Variants in DDO observed in about 807,000 individuals in gnomAD.
DDO encodes the protein D-aspartate oxidase, also known as D-aspartate oxidase, DDO.
DDO carries 16 observed loss-of-function variants against 16.8 expected under a neutral mutation model. That is an observed-to-expected ratio of 0.95 (90% CI 0.65 to 1.45). DDO has a LOEUF of 1.45. Ranked by LOEUF, DDO falls within the 40% of genes most tolerant of loss-of-function variation. DDO has a pLI of 0.00. For missense variants in DDO, 429 were observed against 420.3 expected (o/e 1.02, Z -0.18); for synonymous variants, 180 against 167.2 (o/e 1.08, Z -0.59).
At chr6:110,398,858 C>T (rs954995849) in intron 4 of DDO, among the ~76,000 whole-genome samples, 1 of 152,130 alleles carries the variant, frequency 6.6e-6, no homozygotes, top group Non-Finnish European at 1.5e-5. Context: ...AGCATAGGGC[C>T]TCCTTGGGGA....
intron 4 of DDO, among the ~76,000 whole-genome samples, chr6:110,394,536 C>T (rs1191426411): frequency 5.3e-5 from 8 of 152,186 alleles, no homozygotes; most frequent in South Asian, 2.1e-4. Context: ...GTTCAATAGA[C>T]GCAGGCCGAA....
rs907658208 is a variant in DDO at position 110,411,867 on chromosome 6, G to A, written c.172+1424C>T. Among the ~76,000 whole-genome samples the A allele has an allele frequency of 4.6e-5, 7 of 151,398 alleles. No homozygotes were observed. The South Asian group carries it at 6.4e-4, about 14-fold the overall frequency. On this transcript the variant is annotated intron_variant, in intron 2 of 4. Coordinates refer to ENST00000368924, the MANE Select transcript of DDO (RefSeq NM_001372108.2). ...TGAGTATAAACTTCATTACTGCAGCGTGATTTTGGTTTCTATTTAATGCTA... is the reference window on the plus strand; with the variant it reads ...TGAGTATAAACTTCATTACTGCAGCATGATTTTGGTTTCTATTTAATGCTA...
chr6:110,397,899 G>A (rs1317430878), intron 4 of DDO, among the ~76,000 whole-genome samples: 1 of 152,226 alleles, frequency 6.6e-6, no homozygotes, highest in Non-Finnish European at 1.5e-5. Context: ...GATGGCACCA[G>A]TGCATAGGAG....
At chr6:110,389,086 G>A (rs1773059991), downstream of DDO, among the ~76,000 whole-genome samples, 1 of 152,210 alleles carries the variant, frequency 6.6e-6, no homozygotes, top group African/African-American at 2.4e-5. Context: ...GCTAAGTAAA[G>A]AAGATTATCT....
chr6:110,409,793 A>ACCCCAAACC, intron 2 of DDO, among the ~76,000 whole-genome samples: 1 of 152,232 alleles, frequency 6.6e-6, no homozygotes, highest in African/African-American at 2.4e-5. Flanking sequence ...GTGAGGTTGT[A>ACCCCAAACC]TTAAAATGCA....
chr6:110,412,440 A>G (rs564115674), intron 2 of DDO, among the ~76,000 whole-genome samples: 2 of 152,310 alleles, frequency 1.3e-5, no homozygotes, highest in South Asian at 2.1e-4. Flanking sequence ...AGAGCCGCCA[A>G]TCATGTAGTT....
chr6:110,412,966 A>G (rs1773909663), intron 2 of DDO, among the ~76,000 whole-genome samples: 1 of 152,124 alleles, frequency 6.6e-6, no homozygotes, highest in South Asian at 2.1e-4. Context: ...CAACAAGACA[A>G]GACCTTGTCT....
intron 4 of DDO, among the ~76,000 whole-genome samples, chr6:110,398,852 T>C (rs767544128): frequency 2.0e-5 from 3 of 152,126 alleles, no homozygotes; most frequent in Non-Finnish European, 4.4e-5. Context: ...GCGGTCAGCA[T>C]AGGGCCTCCT....
At chr6:110,406,057 GGTTCTGT>G (rs1458103602) in intron 3 of DDO, among the ~76,000 whole-genome samples, 1 of 152,040 alleles carries the variant, frequency 6.6e-6, no homozygotes, top group Non-Finnish European at 1.5e-5. Flanking sequence ...TTTACTGCAG[GGTTCTGT>G]GCTGGCCCAC....
chr6:110,393,019 A>T lies in DDO; in HGVS notation c.782T>A (p.Leu261Gln). 1 of 1,611,184 alleles carries T rather than the reference A, an allele frequency of 6.2e-7. No individual in the cohort carries two copies. Among genetic ancestry groups the T allele is most frequent in the Non-Finnish European group, 8.5e-7 (1 of 1,177,422 alleles). The change falls in exon 5 of 5, where the codon CTG becomes CAG. Residue 261 changes from leucine to glutamine, a missense_variant. Physicochemically the swap from Leu to Gln is moderately radical, Grantham distance 113. Transcript: ENST00000368924. ...SREILSRCCA[L>Q]EPSLHGACNI... ...GCAGGCTCCGTGGAGGGAGGGCTCC[A>T]GAGCACAGCATCGGGAAAGAATCTC...
chr6:110,398,383 TACACACACACACACACAC>T (rs372325600), intron 4 of DDO, among the ~76,000 whole-genome samples: 4 of 110,278 alleles, frequency 3.6e-5, no homozygotes, highest in South Asian at 2.7e-4. Context: ...CTTAAATGCG[TACACACACACACACACAC>T]ACACACACAC....
chr6:110,413,381 G>A lies in DDO; in HGVS notation c.82C>T (p.Arg28Ter), dbSNP rs763860346. The change falls in exon 2 of 5, where the codon CGA becomes TGA. Residue 28 changes from arginine (R) to a stop codon, truncating the protein, a stop_gained. Coordinates refer to ENST00000368924, the MANE Select transcript of DDO (RefSeq NM_001372108.2). LOFTEE classifies it high-confidence loss of function. Reference protein sequence around the residue: ...TAVCISKLVPRCSVTIISDKF... With the variant: ...TAVCISKLVP Reference sequence around the variant, plus strand: ...TCTGAAATGATGGTAACGGAGCATCGGGGCACCAGTTTGGAGATGCACACA... The same window carrying A: ...TCTGAAATGATGGTAACGGAGCATCAGGGCACCAGTTTGGAGATGCACACA... 8.1e-5 allele frequency: 131 copies of A among 1,613,922 alleles called. No individual in the cohort carries two copies. Among genetic ancestry groups the A allele is most frequent in the Non-Finnish European group, 1.0e-4 (123 of 1,180,008 alleles).
Position 110,392,211 on chromosome 6 carries a change from T to A in DDO, c.*564A>T. On this transcript the variant is annotated 3_prime_UTR_variant, in exon 5 of 5. Coordinates refer to ENST00000368924, the MANE Select transcript of DDO (RefSeq NM_001372108.2). The stretch of plus-strand genomic sequence containing the variant: ...CACAATGTAATTTTATTTAGAGGAA[T>A]TATGTTGCTGACTTGGCTATAACCT... 1 of 985,446 alleles carries A rather than the reference T, an allele frequency of 1.0e-6. No individual in the cohort carries two copies. The highest frequency in any genetic ancestry group is 1.2e-6 in the Non-Finnish European group (1 of 829,940). The allele number at this position is 985,446 out of a possible 1,614,324, so 61.0% of individuals were successfully genotyped here. A position where few individuals can be genotyped will look rare whatever the true frequency, so the allele number is the denominator to read the frequency against.
chr6:110,412,251 C>A (rs1773884333), intron 2 of DDO, among the ~76,000 whole-genome samples: 1 of 115,114 alleles, frequency 8.7e-6, no homozygotes, highest in Non-Finnish European at 1.8e-5. Flanking sequence ...AAGACTCTGT[C>A]TTAAAAAAAA....
chr6:110,407,964 G>A (rs1582488326), intron 3 of DDO, among the ~76,000 whole-genome samples: 1 of 152,176 alleles, frequency 6.6e-6, no homozygotes, highest in African/African-American at 2.4e-5. Flanking sequence ...GGTCTCTGCA[G>A]CCATCCCAAC....
At chr6:110,408,907 G>A (rs941593916) in intron 2 of DDO, among the ~76,000 whole-genome samples, 5 of 152,368 alleles carry the variant, frequency 3.3e-5, no homozygotes, top group Middle Eastern at 3.4e-3. Flanking sequence ...GCAGGTCTGT[G>A]GGGCCCAGGC....
chr6:110,412,713 A>G (rs1032865558), intron 2 of DDO, among the ~76,000 whole-genome samples: 2 of 152,230 alleles, frequency 1.3e-5, no homozygotes, highest in African/African-American at 4.8e-5. Flanking sequence ...CCTGATGACA[A>G]GCTGGCCCCT....
intron 3 of DDO, 47 bp from the exon 4 acceptor site, chr6:110,404,997 C>T (rs1385098628): frequency 3.2e-6 from 5 of 1,538,864 alleles, no homozygotes; most frequent in Non-Finnish European, 4.5e-6. Flanking sequence ...TGTGAAATAA[C>T]ATATTTCTAG....
Position 110,392,758 on chromosome 6 carries a change from C to T in DDO, c.*17G>A, listed in dbSNP as rs1314801165. 1 of 1,519,440 alleles carries T rather than the reference C, an allele frequency of 6.6e-7. No homozygotes were observed. Among genetic ancestry groups the T allele is most frequent in the Admixed American group, 2.2e-5 (1 of 46,398 alleles). The allele number at this position is 1,519,440 out of a possible 1,614,324, so 94.1% of individuals were successfully genotyped here. Reference sequence around the variant, plus strand: ...GATCAACAGTCTCTCAGTCTCTTTGCTGTCATTTTATGTCATCTACAGGTT... The same window carrying T: ...GATCAACAGTCTCTCAGTCTCTTTGTTGTCATTTTATGTCATCTACAGGTT... On this transcript the variant is annotated 3_prime_UTR_variant, in exon 5 of 5. Transcript: ENST00000368924.
Sources: gnomAD v4.1 joint callset for allele counts (sites outside exome capture counted in the v4.1 genomes callset) on GRCh38, gnomAD v4.1.1 for gene constraint, MANE v1.5 for transcripts, NCBI Gene and HGNC (gene_info 2026-07-23, HGNC 2026-07-21) for gene names.